Variants in TG observed in about 807,000 individuals in gnomAD.
The protein encoded by TG is thyroid hormones.
In TG, 270 loss-of-function variants were observed where a neutral mutation model predicts 324.7. That is an observed-to-expected ratio of 0.83 (90% CI 0.75 to 0.92). TG has a LOEUF of 0.92. Among genes scored for constraint, TG ranks in the 40% least tolerant of loss-of-function variants. The pLI is 0.00. For synonymous variants in TG, 1,401 were observed against 1,327.0 expected, an observed-to-expected ratio of 1.06 and a Z score of -1.21; for missense variants, 3,591 against 3,456.4, an observed-to-expected ratio of 1.04 and a Z score of -0.98.
chr8:132,960,809 C>A (rs1014140812), intron 27 of TG, among the ~76,000 whole-genome samples, 199 bp from the exon 28 acceptor site: 2 of 152,070 alleles, frequency 1.3e-5, no homozygotes, highest in Non-Finnish European at 2.9e-5. Flanking sequence ...AGTATGACAC[C>A]CATGTCTGAC....
At chr8:132,885,150 A>C (rs936155688) in intron 8 of TG, among the ~76,000 whole-genome samples, 3 of 151,552 alleles carry the variant, frequency 2.0e-5, no homozygotes, top group South Asian at 2.1e-4. Context: ...CGTGGTGGTT[A>C]AAAGGTAAGA....
chr8:133,103,847 T>C (rs370687332), intron 43 of TG, among the ~76,000 whole-genome samples: 1 of 152,354 alleles, frequency 6.6e-6, no homozygotes, highest in South Asian at 2.1e-4. Flanking sequence ...GGCACAGTTG[T>C]AACCTAAACA....
intron 43 of TG, among the ~76,000 whole-genome samples, chr8:133,112,369 G>A (rs954512726): frequency 2.6e-5 from 4 of 152,220 alleles, no homozygotes; most frequent in Admixed American, 2.0e-4. Flanking sequence ...GGGCCCAGGA[G>A]GCTGGGCCTC....
At position 133,013,658 on chromosome 8, in the gene TG, G is replaced by A. The variant is rs1286250768; in HGVS notation, c.6456G>A (p.Val2152=). 6.2e-7 allele frequency: 1 copy of A among 1,614,252 alleles called. No individual in the cohort carries two copies. Among genetic ancestry groups the A allele is most frequent in the South Asian group, 1.1e-5 (1 of 91,086 alleles). ...ITTLQTQPGA[V]RCMFYADTQS... ...CTCTGCAAACCCAACCTGGGGCTGTGAGATGTATGTTCTATGCTGATACTC... is the reference window on the plus strand; with the variant it reads ...CTCTGCAAACCCAACCTGGGGCTGTAAGATGTATGTTCTATGCTGATACTC... The change falls in exon 37 of 48, where the codon GTG becomes GTA. Residue 2152 remains valine, a synonymous_variant. Transcript: ENST00000220616.
In TG at chr8:132,948,759, C is replaced by T. The variant is rs1825702257; in HGVS notation, c.5234-17C>T. The T allele has an allele frequency of 5.0e-6, 8 of 1,613,022 alleles. No homozygotes were observed. Among genetic ancestry groups the T allele is most frequent in the Non-Finnish European group, 5.1e-6 (6 of 1,179,964 alleles). ...CCCTCCATCACACTGACCTCTCCTACCTCTTGTGATTCTCAGGTGCCATCA... is the reference window on the plus strand; with the variant it reads ...CCCTCCATCACACTGACCTCTCCTATCTCTTGTGATTCTCAGGTGCCATCA... On this transcript the variant is annotated splice_polypyrimidine_tract_variant and intron_variant, in intron 26 of 47. Transcript: ENST00000220616.
At position 133,022,108 on chromosome 8, in the gene TG, A is replaced by G. The variant is rs914583219; in HGVS notation, c.6994A>G (p.Thr2332Ala). 6.2e-7 allele frequency: 1 copy of G among 1,613,988 alleles called. No individual in the cohort carries two copies. Among genetic ancestry groups the G allele is most frequent in the African/African-American group, 1.3e-5 (1 of 74,902 alleles). Residue 2332 changes from threonine to alanine, a missense_variant, in exon 40 of 48, where the codon ACT becomes GCT. Transcript: ENST00000220616. ...LAAVGNLIVV[T>A]ASYRVGVFGF... ...TGCTGTTGGCAACCTCATCGTGGTCACTGCCAGCTACCGAGTGGGTGTCTT... is the reference window on the plus strand; with the variant it reads ...TGCTGTTGGCAACCTCATCGTGGTCGCTGCCAGCTACCGAGTGGGTGTCTT...
At chr8:133,031,174 C>G (rs116331678) in intron 41 of TG, among the ~76,000 whole-genome samples, 1,988 of 152,256 alleles carry the variant, frequency 0.013, 47 homozygotes, top group African/African-American at 0.046. Flanking sequence ...TGTCTCTATC[C>G]ACTTGCCTGT....
chr8:132,972,766 A>G (rs1055320105), intron 34 of TG, 25 bp downstream of exon 34: 1 of 1,613,834 alleles, frequency 6.2e-7, no homozygotes, highest in Non-Finnish European at 8.5e-7. Context: ...CATGACAGCT[A>G]TATGGACGTC....
chr8:133,115,836 G>A lies in TG; in HGVS notation c.7755-773G>A, dbSNP rs114798478. Among the ~76,000 whole-genome samples, 1,474 of 152,338 alleles carry A rather than the reference G, an allele frequency of 9.7e-3. 20 individuals are homozygous for A. The highest frequency in any genetic ancestry group is 0.034 in the African/African-American group (1,409 of 41,576). ...TCAGCACACGCAGGGCCCCACTCTT[G>A]TAAGCTGCTGCTTCTGAAATCGATT... On this transcript the variant is annotated intron_variant, in intron 44 of 47. Transcript: ENST00000220616.
intron 35 of TG, among the ~76,000 whole-genome samples, chr8:132,990,756 G>A (rs1328317161): frequency 4.6e-5 from 7 of 152,154 alleles, no homozygotes. Context: ...TGGAAGCTAA[G>A]GCTCAGAGAG....
chr8:132,941,887 T>A (rs1176559249), intron 26 of TG, among the ~76,000 whole-genome samples: 1 of 152,204 alleles, frequency 6.6e-6, no homozygotes, highest in Non-Finnish European at 1.5e-5. Flanking sequence ...GAGCCAGGAT[T>A]TGACCCAAGT....
At chr8:132,922,378 G>C (rs1252160945) in intron 21 of TG, among the ~76,000 whole-genome samples, 1 of 152,190 alleles carries the variant, frequency 6.6e-6, no homozygotes, top group African/African-American at 2.4e-5. Flanking sequence ...CACTGAGCAA[G>C]GCATTTGGAT....
At chr8:132,952,651 T>C (rs1363530273) in intron 27 of TG, among the ~76,000 whole-genome samples, 1 of 152,178 alleles carries the variant, frequency 6.6e-6, no homozygotes, top group Non-Finnish European at 1.5e-5. Context: ...GATTGCCAGG[T>C]GTAGGAAATC....
At chr8:132,990,065 C>T (rs1457245798) in intron 35 of TG, among the ~76,000 whole-genome samples, 1 of 151,840 alleles carries the variant, frequency 6.6e-6, no homozygotes, top group Non-Finnish European at 1.5e-5. Context: ...AGCAATAATT[C>T]CCAAGTCCAA....
At chr8:133,042,147 T>G (rs149828634) in intron 41 of TG, among the ~76,000 whole-genome samples, 1 of 152,110 alleles carries the variant, frequency 6.6e-6, no homozygotes, top group African/African-American at 2.4e-5. Flanking sequence ...ATGAAGTAAC[T>G]TACTCAGGGC....
intron 38 of TG, among the ~76,000 whole-genome samples, chr8:133,018,485 T>C (rs1835262511): frequency 6.6e-6 from 1 of 151,770 alleles, no homozygotes; most frequent in Admixed American, 6.6e-5. Flanking sequence ...GAAGGGAAAG[T>C]AAATGAGCTA....
At chr8:133,104,944 T>G (rs978058442) in intron 43 of TG, among the ~76,000 whole-genome samples, 3 of 152,226 alleles carry the variant, frequency 2.0e-5, no homozygotes, top group Non-Finnish European at 4.4e-5. Flanking sequence ...TTGTGTCATG[T>G]CCATTTGGAA....
intron 41 of TG, among the ~76,000 whole-genome samples, chr8:133,088,808 G>A (rs1847024202): frequency 6.6e-6 from 1 of 152,094 alleles, no homozygotes; most frequent in Admixed American, 6.5e-5. Context: ...ATTAATTACT[G>A]TCCCTGTGAT....
Position 133,030,079 on chromosome 8 carries a change from G to A in TG, c.7239+56G>A. The A allele has an allele frequency of 4.4e-6, 7 of 1,607,164 alleles. No homozygotes were observed. The South Asian group carries it at 7.7e-5, about 18-fold the overall frequency. On this transcript the variant is annotated intron_variant, in intron 41 of 47. Transcript: ENST00000220616. ...ACTGCAGATGCGGCTGGGGGAGGTG[G>A]TTCTCCTGTGCTGCAAAAGTCTAGT... is the stretch of plus-strand genomic sequence containing the variant.
Sources: allele counts gnomAD v4.1 joint callset (sites outside exome capture counted in the v4.1 genomes callset), GRCh38; gene constraint gnomAD v4.1.1; transcripts MANE v1.5; gene names NCBI Gene and HGNC (gene_info 2026-07-23, HGNC 2026-07-21).